Variants in RIMS2 observed in about 807,000 individuals in gnomAD.
RIMS2 encodes regulating synaptic membrane exocytosis 2, also known as regulating synaptic membrane exocytosis protein 2.
In RIMS2, 59 loss-of-function variants were observed where a neutral mutation model predicts 174.4. The observed-to-expected ratio is 0.34, with a 90% CI of 0.27 to 0.42. The LOEUF (loss-of-function observed/expected upper bound fraction) is 0.42. Among genes scored for constraint, RIMS2 ranks in the 10% least tolerant of loss-of-function variants. RIMS2 has a pLI of 1.00. For synonymous variants in RIMS2, 606 were observed against 572.5 expected (o/e 1.06, Z -0.84); for missense variants, 1,620 against 1,666.3 (o/e 0.97, Z 0.48).
chr8:103,819,565 G>GT, intron 3 of RIMS2: 1 of 1,613,532 alleles, frequency 6.2e-7, no homozygotes, highest in Non-Finnish European at 8.5e-7. Flanking sequence ...TTTTCATGGG[G>GT]TTTTTTCATC....
chr8:104,242,939 A>G (rs2099309959), intron 19 of RIMS2, among the ~76,000 whole-genome samples: 3 of 152,162 alleles, frequency 2.0e-5, no homozygotes, highest in African/African-American at 7.2e-5. Context: ...TTTGGCTCAT[A>G]TGAGTATCCT....
intron 19 of RIMS2, among the ~76,000 whole-genome samples, chr8:104,075,735 T>A (rs1352522118): frequency 1.3e-5 from 2 of 152,206 alleles, no homozygotes; most frequent in Admixed American, 6.5e-5. Context: ...AACCTGCTGA[T>A]ATGGGAGCAT....
rs148865761 is a variant in RIMS2, at chr8:103,554,159, A to C, written c.176+53097A>C. Among the ~76,000 whole-genome samples, 400 of 152,254 alleles carry C rather than the reference A, an allele frequency of 2.6e-3. 3 individuals carry two copies. The highest frequency in any genetic ancestry group is 8.4e-3 in the African/African-American group (350 of 41,568). On this transcript the variant is annotated intron_variant, in intron 1 of 23. Coordinates refer to ENST00000504942, the Ensembl canonical transcript of RIMS2. ...CCCTGGTGAAGATTTAATGAGGAAG[A>C]CGTCAAAAGGAATTGCAAAAAAAAT...
chr8:103,844,438 T>A (rs1405631912), intron 3 of RIMS2, among the ~76,000 whole-genome samples: 1 of 152,222 alleles, frequency 6.6e-6, no homozygotes, highest in East Asian at 1.9e-4. Flanking sequence ...GTACTCAAAC[T>A]GAACTGTCAG....
intron 1 of RIMS2, among the ~76,000 whole-genome samples, chr8:103,514,125 G>A (rs2129811664): frequency 6.6e-6 from 1 of 152,188 alleles, no homozygotes; most frequent in East Asian, 1.9e-4. Context: ...TACCATTCTA[G>A]AAGCATAAGA....
At chr8:104,067,948 A>T (rs1052198950) in intron 19 of RIMS2, among the ~76,000 whole-genome samples, 2 of 152,308 alleles carry the variant, frequency 1.3e-5, no homozygotes, top group South Asian at 2.1e-4. Context: ...GTATGCTATC[A>T]GCAGTATTAT....
chr8:104,019,089 T>C (rs1001224305), intron 19 of RIMS2, among the ~76,000 whole-genome samples: 23 of 152,080 alleles, frequency 1.5e-4, no homozygotes, highest in African/African-American at 5.3e-4. Context: ...TCCCAGCTAC[T>C]TGGGAGACTG....
intron 1 of RIMS2, among the ~76,000 whole-genome samples, chr8:103,589,073 G>T (rs1236881553): frequency 6.6e-6 from 1 of 151,592 alleles, no homozygotes; most frequent in Non-Finnish European, 1.5e-5. Context: ...ACAAGAGAAA[G>T]AAATAAAGGG....
chr8:104,038,184 C>T (rs549592510), intron 19 of RIMS2, among the ~76,000 whole-genome samples: 14 of 151,744 alleles, frequency 9.2e-5, no homozygotes, highest in African/African-American at 2.4e-4. Flanking sequence ...TATAATTTAC[C>T]GTAAGTGATG....
intron 2 of RIMS2, among the ~76,000 whole-genome samples, chr8:103,753,380 A>T (rs1456320193): frequency 6.6e-6 from 1 of 152,144 alleles, no homozygotes; most frequent in Non-Finnish European, 1.5e-5. Flanking sequence ...CATCAAGGGT[A>T]TTGGTCTAAA....
chr8:103,977,067 AT>A (rs1490522218), intron 16 of RIMS2: 1 of 152,222 alleles, frequency 6.6e-6, no homozygotes, highest in African/African-American at 2.4e-5. Flanking sequence ...TATACATCCT[AT>A]TTTAAATAAA....
chr8:103,632,629 C>G (rs113742637), intron 1 of RIMS2, among the ~76,000 whole-genome samples: 2 of 151,216 alleles, frequency 1.3e-5, no homozygotes, highest in Non-Finnish European at 2.9e-5. Context: ...CTATGTTGGC[C>G]AGGCTGGTCT....
chr8:103,714,560 A>C (rs2097346076), intron 2 of RIMS2, among the ~76,000 whole-genome samples: 1 of 152,176 alleles, frequency 6.6e-6, no homozygotes, highest in South Asian at 2.1e-4. Context: ...CTCTATCTAA[A>C]GAAGGATTCT....
chr8:103,850,907 T>C (rs2098994308), intron 3 of RIMS2, among the ~76,000 whole-genome samples: 1 of 152,008 alleles, frequency 6.6e-6, no homozygotes, highest in Non-Finnish European at 1.5e-5. Context: ...GCATTAGATA[T>C]GTTTTCCTAT....
exon 12 of RIMS2, chr8:103,931,315 G>T: frequency 6.2e-7 from 1 of 1,604,740 alleles, no homozygotes; most frequent in Non-Finnish European, 8.5e-7. Flanking sequence ...ACAATTTTGG[G>T]AGCAAAAGAT....
At chr8:104,076,888 G>A (rs963790583) in intron 19 of RIMS2, among the ~76,000 whole-genome samples, 14 of 150,922 alleles carry the variant, frequency 9.3e-5, no homozygotes, top group African/African-American at 3.4e-4. Flanking sequence ...GTGATCTCAG[G>A]TCACTGCAAC....
chr8:103,643,936 T>C (rs1056570083), intron 1 of RIMS2, among the ~76,000 whole-genome samples: 16 of 152,080 alleles, frequency 1.1e-4, no homozygotes, highest in Non-Finnish European at 2.2e-4. Context: ...CGTTAAGCTT[T>C]GGCAAAACAC....
chr8:103,832,424 T>G (rs1353533891), intron 3 of RIMS2, among the ~76,000 whole-genome samples: 2 of 152,216 alleles, frequency 1.3e-5, no homozygotes, highest in Non-Finnish European at 2.9e-5. Context: ...TGTGCAGATT[T>G]GTTACATAGG....
chr8:103,643,300 G>A (rs1041347754), intron 1 of RIMS2, among the ~76,000 whole-genome samples: 6 of 151,816 alleles, frequency 4.0e-5, no homozygotes, highest in African/African-American at 1.5e-4. Context: ...CATAGTACCG[G>A]TGTATTCTTG....
Sources: gnomAD v4.1 joint callset for allele counts (sites outside exome capture counted in the v4.1 genomes callset) on GRCh38, gnomAD v4.1.1 for gene constraint, MANE v1.5 for transcripts, NCBI Gene and HGNC (gene_info 2026-07-23, HGNC 2026-07-21) for gene names.